CAPRIN1: variants seen among roughly 807,000 people sequenced by gnomAD.
CAPRIN1 encodes cell cycle associated protein 1.
A neutral mutation model predicts 100.9 loss-of-function variants in CAPRIN1; 29 were observed. That is an observed-to-expected ratio of 0.29 (90% CI 0.21 to 0.39). The LOEUF (loss-of-function observed/expected upper bound fraction) is 0.39. Among genes scored for constraint, CAPRIN1 ranks in the 10% least tolerant of loss-of-function variants. The pLI, the probability that CAPRIN1 is intolerant of heterozygous loss-of-function variation, is 1.00. For synonymous variants in CAPRIN1, 338 were observed against 307.5 expected (o/e 1.10, Z -1.04); for missense variants, 795 against 876.7 (o/e 0.91, Z 1.18).
chr11:34,052,365 A>C, intron 1 of CAPRIN1, 56 bp from the exon 2 acceptor site: 1 of 1,428,970 alleles, frequency 7.0e-7, no homozygotes. Context: ...CCGTCTCCTG[A>C]CTGGCCGCTC....
At chr11:34,087,997 A>G (rs1851182831) in intron 11 of CAPRIN1, among the ~76,000 whole-genome samples, 1 of 151,982 alleles carries the variant, frequency 6.6e-6, no homozygotes, top group African/African-American at 2.4e-5. Flanking sequence ...AAAAGTATAT[A>G]TTATTTATTT....
chr11:34,059,879 CTTTTTTT>C (rs570241213), intron 2 of CAPRIN1, among the ~76,000 whole-genome samples: 1 of 109,848 alleles, frequency 9.1e-6, no homozygotes, highest in African/African-American at 3.5e-5. Context: ...TAGAAGAATA[CTTTTTTT>C]TTTTTTTTTT....
intron 2 of CAPRIN1, among the ~76,000 whole-genome samples, chr11:34,059,654 T>C (rs1345413983): frequency 6.6e-6 from 1 of 152,222 alleles, no homozygotes; most frequent in African/African-American, 2.4e-5. Context: ...ACATGGTATA[T>C]GCTGAATAAG....
At chr11:34,093,923 A>G (rs1170318449) in intron 15 of CAPRIN1, among the ~76,000 whole-genome samples, 1 of 151,862 alleles carries the variant, frequency 6.6e-6, no homozygotes, top group Non-Finnish European at 1.5e-5. Context: ...CTTCTTGCCG[A>G]AAACTTTCTC....
In CAPRIN1 at chr11:34,098,740, A is replaced by G. The variant is rs550102714; in HGVS notation, c.2066-563A>G. Reference sequence around the variant, plus strand: ...CTTGTAGCATATTCGATGAAAGTTGAGTTAACTGATAGCTAAAAATCTGTT... The same window carrying G: ...CTTGTAGCATATTCGATGAAAGTTGGGTTAACTGATAGCTAAAAATCTGTT... On this transcript the variant is annotated intron_variant, in intron 18 of 18. Coordinates refer to ENST00000341394, the MANE Select transcript of CAPRIN1 (RefSeq NM_005898.5). 1.6e-5 allele frequency: 16 copies of G among 985,368 alleles called. No homozygotes were observed. The African/African-American group carries it at 2.6e-4, about 16-fold the overall frequency. The allele number at this position is 985,368 out of a possible 1,614,324, so 61.0% of individuals were successfully genotyped here.
At chr11:34,058,852 A>C (rs972715950) in intron 2 of CAPRIN1, among the ~76,000 whole-genome samples, 14 of 152,192 alleles carry the variant, frequency 9.2e-5, no homozygotes, top group African/African-American at 3.1e-4. Flanking sequence ...ATCTGGAAAA[A>C]GCATTACCAG....
chr11:34,083,293 A>C (rs187722034), intron 9 of CAPRIN1, among the ~76,000 whole-genome samples: 1 of 152,326 alleles, frequency 6.6e-6, no homozygotes, highest in Admixed American at 6.5e-5. Context: ...ATCTGTTACC[A>C]TGATTTGTCT....
intron 12 of CAPRIN1, 121 bp downstream of exon 12, chr11:34,089,577 G>T: frequency 2.0e-6 from 1 of 505,790 alleles, no homozygotes; most frequent in Non-Finnish European, 3.6e-6. Context: ...GACCAGTCTG[G>T]GCAGTGTAGC....
rs1027011572 is a variant in CAPRIN1, at chr11:34,101,564, T to G, written c.*2197T>G. Among the ~76,000 whole-genome samples, 2 of 152,198 alleles carry G rather than the reference T, an allele frequency of 1.3e-5. No homozygotes were observed. The highest frequency in any genetic ancestry group is 2.4e-5 in the African/African-American group (1 of 41,448). ...TAAAGGTGTTCATAGTTTGACTGTTTCTATGTATGTTTTTTCAAAGAATTG... is the reference window on the plus strand; with the variant it reads ...TAAAGGTGTTCATAGTTTGACTGTTGCTATGTATGTTTTTTCAAAGAATTG... On this transcript the variant is annotated 3_prime_UTR_variant, in exon 19 of 19. Coordinates refer to ENST00000341394, the MANE Select transcript of CAPRIN1 (RefSeq NM_005898.5).
At position 34,099,877 on chromosome 11, in the gene CAPRIN1, T is replaced by C. The variant is rs1430290386; in HGVS notation, c.*510T>C. ...TAAATTGGAGCACTGAACGTTCAGA[T>C]GCATACCAAATTATGCATGGGTCCT... On this transcript the variant is annotated 3_prime_UTR_variant, in exon 19 of 19. Transcript: ENST00000341394. 2 of 156,658 alleles carry C rather than the reference T, an allele frequency of 1.3e-5. No homozygotes were observed. Among genetic ancestry groups the C allele is most frequent in the Non-Finnish European group, 2.8e-5 (2 of 70,458 alleles). 9.7% of individuals were successfully genotyped at this position (156,658 alleles called of 1,614,324 possible). A position where few individuals can be genotyped will look rare whatever the true frequency, so the allele number is the denominator to read the frequency against.
intron 15 of CAPRIN1, among the ~76,000 whole-genome samples, chr11:34,094,587 C>CAGGAGTTTGAGACG (rs1367499374): frequency 2.6e-5 from 4 of 151,958 alleles, no homozygotes; most frequent in African/African-American, 9.7e-5. Context: ...CACTTGAGAC[C>CAGGAGTTTGAGACG]AGGAGTTTGA....
At position 34,100,204 on chromosome 11, in the gene CAPRIN1, A is replaced by G. The variant is rs1328358603; in HGVS notation, c.*837A>G. 1 of 152,224 alleles carries G rather than the reference A, an allele frequency of 6.6e-6. No homozygotes were observed. Among genetic ancestry groups the G allele is most frequent in the African/African-American group, 2.4e-5 (1 of 41,456 alleles). The allele number at this position is 152,224 out of a possible 1,614,324, so 9.4% of individuals were successfully genotyped here. ...GGTACTATCTATCATTCCTTATGACATGTACATTGTCTGTCACTAATCCTT... is the reference window on the plus strand; with the variant it reads ...GGTACTATCTATCATTCCTTATGACGTGTACATTGTCTGTCACTAATCCTT... On this transcript the variant is annotated 3_prime_UTR_variant, in exon 19 of 19. Transcript: ENST00000341394.
chr11:34,058,212 C>G (rs1355541144), intron 2 of CAPRIN1, among the ~76,000 whole-genome samples: 1 of 152,080 alleles, frequency 6.6e-6, no homozygotes. Flanking sequence ...TCTCAGCTCA[C>G]TGCAACCTCT....
intron 2 of CAPRIN1, 180 bp downstream of exon 2, chr11:34,052,816 C>G (rs1481272113): frequency 6.9e-7 from 1 of 1,448,616 alleles, no homozygotes; most frequent in Non-Finnish European, 9.1e-7. Context: ...GCCCAGAAAA[C>G]GGGCTCTTGG....
intron 2 of CAPRIN1, among the ~76,000 whole-genome samples, chr11:34,066,033 G>A (rs940278914): frequency 7.9e-5 from 12 of 152,144 alleles, no homozygotes; most frequent in Admixed American, 2.0e-4. Flanking sequence ...GAGTGTGATA[G>A]CGTGATCACA....
Position 34,090,205 on chromosome 11 carries a change from G to A in CAPRIN1, c.1320G>A (p.Glu440=), listed in dbSNP as rs769057858. ...TQVPLVSSTS[E]GYTASQPLYQ... ...TTCCTTTGGTATCATCCACAAGTGA[G>A]GGGTACACAGCATCTCAACCCTTGT... Residue 440 remains glutamate (E), a synonymous_variant, in exon 13 of 19, where the codon GAG becomes GAA. Coordinates refer to ENST00000341394, the MANE Select transcript of CAPRIN1 (RefSeq NM_005898.5). 1 of 1,612,696 alleles carries A rather than the reference G, an allele frequency of 6.2e-7. No individual in the cohort carries two copies. Among genetic ancestry groups the A allele is most frequent in the Non-Finnish European group, 8.5e-7 (1 of 1,178,872 alleles).
intron 2 of CAPRIN1, among the ~76,000 whole-genome samples, chr11:34,070,382 A>G (rs1361067395): frequency 6.6e-6 from 1 of 152,228 alleles, no homozygotes; most frequent in Non-Finnish European, 1.5e-5. Context: ...GAGTTTATTC[A>G]GAAAAAAAAT....
intron 15 of CAPRIN1, 104 bp from the exon 16 acceptor site, chr11:34,096,375 C>T (rs1218909845): frequency 1.4e-6 from 1 of 737,574 alleles, no homozygotes; most frequent in African/African-American, 1.8e-5. Context: ...AAGGATTAAA[C>T]TTTAAGGAGA....
Position 34,100,142 on chromosome 11 carries a change from T to A in CAPRIN1, c.*775T>A, listed in dbSNP as rs1436041910. The A allele has an allele frequency of 6.6e-6, 1 of 152,478 alleles. No homozygotes were observed. The highest frequency in any genetic ancestry group is 6.5e-5 in the Admixed American group (1 of 15,284). 9.4% of individuals were successfully genotyped at this position (152,478 alleles called of 1,614,324 possible). On this transcript the variant is annotated 3_prime_UTR_variant, in exon 19 of 19. Transcript: ENST00000341394. ...ATATTTAGATACCTTTTTGAACACT[T>A]AACAGTTTCTTTGAGACAATGACTT...
Sources: gnomAD v4.1 joint callset for allele counts (sites outside exome capture counted in the v4.1 genomes callset) on GRCh38, gnomAD v4.1.1 for gene constraint, MANE v1.5 for transcripts, NCBI Gene and HGNC (gene_info 2026-07-23, HGNC 2026-07-21) for gene names.